The following NELL1 variants were observed in gnomAD, a reference collection of about 807,000 sequenced individuals.
NELL1 encodes the protein neural EGFL like 1.
Under a neutral mutation model 107.4 loss-of-function variants are expected in NELL1, and 76 were observed. The ratio of observed to expected loss-of-function variants is 0.71; its 90% CI spans 0.59 to 0.86. NELL1 has a LOEUF of 0.86. Among genes scored for constraint, NELL1 ranks in the 40% least tolerant of loss-of-function variants. The pLI is 0.00. For synonymous variants in NELL1, 353 were observed against 341.2 expected (o/e 1.03, Z -0.38); for missense variants, 1,024 against 1,005.5 (o/e 1.02, Z -0.25).
chr11:20,863,795 C>T (rs1849039650), intron 4 of NELL1, among the ~76,000 whole-genome samples: 1 of 152,174 alleles, frequency 6.6e-6, no homozygotes, highest in African/African-American at 2.4e-5. Flanking sequence ...GAGATCACGC[C>T]ACTGCACTCC....
chr11:20,742,936 T>C (rs919370153), intron 2 of NELL1, among the ~76,000 whole-genome samples: 3 of 152,138 alleles, frequency 2.0e-5, no homozygotes, highest in African/African-American at 7.2e-5. Context: ...ACCTAGAATG[T>C]TTCTGTGTGC....
chr11:20,849,422 A>G (rs1848757717), intron 4 of NELL1, among the ~76,000 whole-genome samples: 1 of 152,138 alleles, frequency 6.6e-6, no homozygotes, highest in South Asian at 2.1e-4. Flanking sequence ...CTGCATATCA[A>G]TGGCAGCTCT....
intron 2 of NELL1, among the ~76,000 whole-genome samples, chr11:20,770,626 C>T (rs980576846): frequency 6.6e-6 from 1 of 152,118 alleles, no homozygotes; most frequent in Non-Finnish European, 1.5e-5. Context: ...AACTAATTAG[C>T]TAACAAGGCA....
In NELL1 at chr11:21,483,990, C is replaced by CATATATATAT. The variant is rs781565679; in HGVS notation, c.1646-50351_1646-50342dup. Among the ~76,000 whole-genome samples, 602 of 88,282 alleles carry CATATATATAT rather than the reference C, an allele frequency of 6.8e-3. 19 individuals are homozygous for CATATATATAT. The highest frequency in any genetic ancestry group is 8.4e-3 in the Non-Finnish European group (388 of 45,946). 57.9% of individuals were successfully genotyped at this position (88,282 alleles called of 152,430 possible). On this transcript the variant is annotated intron_variant, in intron 15 of 19. Coordinates refer to ENST00000357134, the MANE Select transcript of NELL1 (RefSeq NM_006157.5). ...TATTTGGGTATCCTATTTTACTTAA[C>CATATATATAT]ATATATATATATATATATATATATA...
At chr11:20,778,307 C>A (rs539376850) in intron 2 of NELL1, among the ~76,000 whole-genome samples, 40 of 152,130 alleles carry the variant, frequency 2.6e-4, no homozygotes, top group East Asian at 7.7e-4. Flanking sequence ...CTTTTATTTC[C>A]CCAGTGCCAA....
At chr11:21,516,797 T>C (rs1855576667) in intron 15 of NELL1, among the ~76,000 whole-genome samples, 1 of 150,360 alleles carries the variant, frequency 6.7e-6, no homozygotes, top group South Asian at 2.1e-4. Context: ...TATCTAGCGA[T>C]TTGGCATTGG....
At chr11:21,110,260 C>T (rs923064208) in intron 12 of NELL1, among the ~76,000 whole-genome samples, 1 of 152,110 alleles carries the variant, frequency 6.6e-6, no homozygotes. Context: ...ATGGTATAAA[C>T]TGAAAACCTA....
At chr11:21,506,539 T>G (rs1855283160) in intron 15 of NELL1, among the ~76,000 whole-genome samples, 1 of 152,250 alleles carries the variant, frequency 6.6e-6, no homozygotes, top group African/African-American at 2.4e-5. Context: ...ATATTCTCAC[T>G]GTGTGACTTG....
At chr11:21,294,116 A>G (rs1849327199) in intron 14 of NELL1, among the ~76,000 whole-genome samples, 1 of 152,012 alleles carries the variant, frequency 6.6e-6, no homozygotes, top group Non-Finnish European at 1.5e-5. Context: ...AAATGGCAAA[A>G]AACTGTTAAC....
chr11:21,564,539 T>G lies in NELL1; in HGVS notation c.1980+4157T>G, dbSNP rs112397730. ...ATGTACACTTATACCTATACTATTT[T>G]GAGTAGTAACTGGATAATCTAGTGG... On this transcript the variant is annotated intron_variant, in intron 17 of 19. Coordinates refer to ENST00000357134, the MANE Select transcript of NELL1 (RefSeq NM_006157.5). Among the ~76,000 whole-genome samples, 9 of 152,094 alleles carry G rather than the reference T, an allele frequency of 5.9e-5. 1 individual carries two copies. Among genetic ancestry groups the G allele is most frequent in the African/African-American group, 2.2e-4 (9 of 41,544 alleles).
At chr11:21,089,515 A>G (rs1340736441) in intron 12 of NELL1, among the ~76,000 whole-genome samples, 1 of 152,202 alleles carries the variant, frequency 6.6e-6, no homozygotes, top group East Asian at 1.9e-4. Context: ...AGTAGGATGC[A>G]TATTTGTACG....
chr11:20,727,385 T>G (rs4433570), intron 2 of NELL1, among the ~76,000 whole-genome samples: 92,463 of 152,046 alleles, frequency 0.61, 28,801 homozygotes, highest in Middle Eastern at 0.78. Flanking sequence ...GTTGGCTGCA[T>G]AAATGTCTTC....
intron 13 of NELL1, among the ~76,000 whole-genome samples, chr11:21,176,872 C>A (rs918467062): frequency 6.6e-6 from 1 of 151,646 alleles, no homozygotes; most frequent in African/African-American, 2.4e-5. Context: ...TATTGCACCC[C>A]AAACTGATGT....
At chr11:20,816,483 G>A (rs1269591481) in intron 3 of NELL1, among the ~76,000 whole-genome samples, 1 of 152,104 alleles carries the variant, frequency 6.6e-6, no homozygotes, top group Non-Finnish European at 1.5e-5. Context: ...GCTGATTTTT[G>A]TACATTGATT....
chr11:20,936,822 T>C (rs1007130595), intron 9 of NELL1, among the ~76,000 whole-genome samples: 1 of 152,148 alleles, frequency 6.6e-6, no homozygotes, highest in African/African-American at 2.4e-5. Flanking sequence ...AACCACCAGA[T>C]TTAATCAGCC....
intron 2 of NELL1, among the ~76,000 whole-genome samples, chr11:20,681,733 A>T (rs1565304603): frequency 6.6e-6 from 1 of 152,104 alleles, no homozygotes; most frequent in Non-Finnish European, 1.5e-5. Flanking sequence ...AAAGAGATTT[A>T]TGGGGCTAAA....
intron 3 of NELL1, among the ~76,000 whole-genome samples, chr11:20,793,202 G>T (rs922801020): frequency 9.9e-5 from 15 of 151,762 alleles, no homozygotes; most frequent in Non-Finnish European, 4.4e-5. Context: ...TTGTGGTATG[G>T]TTTCTATCTA....
chr11:20,824,476 G>A (rs753327148), intron 3 of NELL1, among the ~76,000 whole-genome samples: 1 of 151,184 alleles, frequency 6.6e-6, no homozygotes, highest in Non-Finnish European at 1.5e-5. Flanking sequence ...GAAGAAGATA[G>A]GAAAATGTGG....
chr11:21,248,012 C>A (rs1444342273), intron 14 of NELL1, among the ~76,000 whole-genome samples: 1 of 152,104 alleles, frequency 6.6e-6, no homozygotes, highest in African/African-American at 2.4e-5. Context: ...TTCCCATTGG[C>A]AGAAATTTTA....
Sources: allele counts gnomAD v4.1 joint callset (sites outside exome capture counted in the v4.1 genomes callset), GRCh38; gene constraint gnomAD v4.1.1; transcripts MANE v1.5; gene names NCBI Gene and HGNC (gene_info 2026-07-23, HGNC 2026-07-21).